Variants in UBE2Q2 observed in about 807,000 individuals in gnomAD.
The protein encoded by UBE2Q2 is ubiquitin conjugating enzyme E2 Q2.
UBE2Q2 carries 54 observed loss-of-function variants against 59.9 expected under a neutral mutation model. The observed-to-expected ratio is 0.90, with a 90% CI of 0.72 to 1.13. The LOEUF (loss-of-function observed/expected upper bound fraction) is 1.13. UBE2Q2 is among the 50% of genes most tolerant of loss of function. The pLI, the probability that UBE2Q2 is intolerant of heterozygous loss-of-function variation, is 0.00. For missense variants in UBE2Q2, 433 were observed against 441.9 expected, an observed-to-expected ratio of 0.98 and a Z score of 0.18; for synonymous variants, 165 against 155.2, an observed-to-expected ratio of 1.06 and a Z score of -0.47.
intron 9 of UBE2Q2, among the ~76,000 whole-genome samples, chr15:75,886,754 G>A (rs1333974154): frequency 2.0e-5 from 3 of 152,098 alleles, no homozygotes; most frequent in Admixed American, 6.5e-5. Flanking sequence ...GGGCGTGGTG[G>A]TGGGTGCCTG....
chr15:75,878,217 A>G (rs1898192653), intron 7 of UBE2Q2, 196 bp downstream of exon 7: 3 of 536,828 alleles, frequency 5.6e-6, no homozygotes, highest in Non-Finnish European at 9.8e-6. Flanking sequence ...AAGAGGAAGG[A>G]CAGAAAGAGG....
chr15:75,893,275 A>G (rs1567043227), intron 11 of UBE2Q2, among the ~76,000 whole-genome samples: 2 of 152,258 alleles, frequency 1.3e-5, no homozygotes, highest in Non-Finnish European at 2.9e-5. Flanking sequence ...GGAGAGTGAT[A>G]AAGATATGCC....
chr15:75,885,129 T>A (rs10162820), intron 9 of UBE2Q2, among the ~76,000 whole-genome samples: 8 of 152,270 alleles, frequency 5.3e-5, no homozygotes, highest in South Asian at 4.1e-4. Flanking sequence ...GGTTTTTTTT[T>A]ATTTGTTTTT....
At chr15:75,884,715 A>G (rs541858143) in intron 9 of UBE2Q2, among the ~76,000 whole-genome samples, 9 of 152,142 alleles carry the variant, frequency 5.9e-5, no homozygotes, top group Admixed American at 2.6e-4. Context: ...GCTGGAGTGC[A>G]GTGGTGCTGT....
intron 4 of UBE2Q2, among the ~76,000 whole-genome samples, chr15:75,871,862 G>T: frequency 6.6e-6 from 1 of 152,228 alleles, no homozygotes. Flanking sequence ...ATAGTGTGCT[G>T]AGGATATTGT....
At chr15:75,846,770 T>C (rs1240567488) in intron 1 of UBE2Q2, among the ~76,000 whole-genome samples, 2 of 152,370 alleles carry the variant, frequency 1.3e-5, no homozygotes, top group South Asian at 2.1e-4. Context: ...TTGTTTTCTT[T>C]ATACTTACCA....
intron 2 of UBE2Q2, among the ~76,000 whole-genome samples, chr15:75,856,628 G>C (rs1466830875): frequency 6.6e-6 from 1 of 151,410 alleles, no homozygotes; most frequent in African/African-American, 2.4e-5. Context: ...TAGTTGTATA[G>C]TTGGTTTAAA....
At chr15:75,897,484 A>G (rs1314665809) in intron 12 of UBE2Q2, among the ~76,000 whole-genome samples, 4 of 151,962 alleles carry the variant, frequency 2.6e-5, no homozygotes, top group Non-Finnish European at 5.9e-5. Flanking sequence ...CTCCCAAAGT[A>G]CTGGGATTAC....
chr15:75,872,383 T>G (rs1487623980), intron 4 of UBE2Q2, among the ~76,000 whole-genome samples: 2 of 150,914 alleles, frequency 1.3e-5, no homozygotes, highest in Non-Finnish European at 2.9e-5. Context: ...GCAATTGAAG[T>G]AGAGAAATAA....
intron 11 of UBE2Q2, among the ~76,000 whole-genome samples, chr15:75,893,902 C>T (rs1899248508): frequency 6.6e-6 from 1 of 152,124 alleles, no homozygotes; most frequent in South Asian, 2.1e-4. Context: ...ATTCCTTTCT[C>T]CCCTCCTCTC....
At chr15:75,866,802 G>A (rs1595873053) in intron 3 of UBE2Q2, among the ~76,000 whole-genome samples, 1 of 152,100 alleles carries the variant, frequency 6.6e-6, no homozygotes, top group East Asian at 1.9e-4. Context: ...TTCTAGAATT[G>A]TGCTTGCATA....
chr15:75,878,063 G>A (rs375680457), intron 7 of UBE2Q2, 42 bp downstream of exon 7: 71 of 1,549,178 alleles, frequency 4.6e-5, no homozygotes, highest in Non-Finnish European at 5.8e-5. Flanking sequence ...TGCAATGGTA[G>A]ACTATCACAG....
chr15:75,858,617 G>A (rs548734703), intron 2 of UBE2Q2, among the ~76,000 whole-genome samples: 3 of 152,056 alleles, frequency 2.0e-5, no homozygotes, highest in Admixed American at 6.6e-5. Context: ...ATTGAAATTC[G>A]TGGAGAGTGT....
Position 75,873,579 on chromosome 15 carries a change from G to A in UBE2Q2, c.588+11G>A, listed in dbSNP as rs1289117711. The A allele has an allele frequency of 2.5e-6, 4 of 1,603,260 alleles. No individual in the cohort carries two copies. Among genetic ancestry groups the A allele is most frequent in the South Asian group, 1.1e-5 (1 of 88,598 alleles). On this transcript the variant is annotated intron_variant, in intron 5 of 12. Transcript: ENST00000267938. ...CAAGACCATTTAAATGTAAGTGTGTGTAGATATCTAGAACCTGGACTTTTG... is the reference window on the plus strand; with the variant it reads ...CAAGACCATTTAAATGTAAGTGTGTATAGATATCTAGAACCTGGACTTTTG...
intron 8 of UBE2Q2, among the ~76,000 whole-genome samples, chr15:75,882,696 A>G (rs1423179713): frequency 6.6e-6 from 1 of 152,250 alleles, no homozygotes; most frequent in Non-Finnish European, 1.5e-5. Context: ...TCTTGTGGAT[A>G]ATCTTACATT....
chr15:75,868,603 A>G (rs931139300), intron 3 of UBE2Q2, among the ~76,000 whole-genome samples: 7 of 152,230 alleles, frequency 4.6e-5, no homozygotes, highest in African/African-American at 1.7e-4. Flanking sequence ...TTTATTTTAA[A>G]TAAGCCATTG....
chr15:75,899,413 TC>T lies in UBE2Q2; in HGVS notation c.1097-13del, dbSNP rs1595905623. On this transcript the variant is annotated splice_polypyrimidine_tract_variant and intron_variant, in intron 12 of 12. Transcript: ENST00000267938. ...AAGAATTATTTTAACTTTTTTTTTT[TC>T]ATTCTATTTCAGGCTGGTACACCCC... is the stretch of plus-strand genomic sequence containing the variant. The T allele has an allele frequency of 6.4e-7, 1 of 1,562,754 alleles. No individual in the cohort carries two copies. The highest frequency in any genetic ancestry group is 1.9e-5 in the Admixed American group (1 of 51,502).
chr15:75,879,217 A>T, intron 8 of UBE2Q2, 29 bp downstream of exon 8: 1 of 1,328,076 alleles, frequency 7.5e-7, no homozygotes, highest in Non-Finnish European at 1.1e-6. Flanking sequence ...GACCCCATAT[A>T]CTTCCAGTGG....
chr15:75,856,269 G>GTGTGTGTATATATATATATA (rs1256142539), intron 2 of UBE2Q2, among the ~76,000 whole-genome samples: 19 of 139,270 alleles, frequency 1.4e-4, no homozygotes, highest in African/African-American at 5.2e-4. Flanking sequence ...GTGTGTGTGT[G>GTGTGTGTATATATATATATA]TATATATATA....
Sources: allele counts gnomAD v4.1 joint callset (sites outside exome capture counted in the v4.1 genomes callset), GRCh38; gene constraint gnomAD v4.1.1; transcripts MANE v1.5; gene names NCBI Gene and HGNC (gene_info 2026-07-23, HGNC 2026-07-21).